The following PIK3CB variants were observed in gnomAD, a reference collection of about 807,000 sequenced individuals.
The protein encoded by PIK3CB is phosphatidylinositol-4,5-bisphosphate 3-kinase catalytic subunit beta.
PIK3CB carries 39 observed loss-of-function variants against 136.8 expected under a neutral mutation model. The ratio of observed to expected loss-of-function variants is 0.29; its 90% CI spans 0.22 to 0.37. The LOEUF (loss-of-function observed/expected upper bound fraction) is 0.37, where lower values mean the gene tolerates loss of function less well. PIK3CB is among the 10% of genes least tolerant of loss of function. PIK3CB has a pLI of 1.00. For synonymous variants in PIK3CB, 428 were observed against 436.6 expected, an observed-to-expected ratio of 0.98 and a Z score of 0.25; for missense variants, 868 against 1,275.4, an observed-to-expected ratio of 0.68 and a Z score of 4.87.
At chr3:138,817,287 C>T (rs1315048771) in intron 1 of PIK3CB, among the ~76,000 whole-genome samples, 3 of 151,818 alleles carry the variant, frequency 2.0e-5, no homozygotes, top group South Asian at 2.1e-4. Flanking sequence ...TGCAGTGAGC[C>T]GAGATCGTGC....
chr3:138,790,446 T>G (rs1293899240), intron 2 of PIK3CB, among the ~76,000 whole-genome samples: 5 of 148,086 alleles, frequency 3.4e-5, no homozygotes, highest in Non-Finnish European at 7.4e-5. Context: ...AACCCTGTCC[T>G]CATTAAAAAA....
rs936630323 is a variant in PIK3CB at position 138,694,771 on chromosome 3, A to C, written c.1892+15T>G. 2 of 1,610,154 alleles carry C rather than the reference A, an allele frequency of 1.2e-6. No individual in the cohort carries two copies. The highest frequency in any genetic ancestry group is 1.3e-5 in the African/African-American group (1 of 74,698). On this transcript the variant is annotated intron_variant, in intron 14 of 23. Coordinates refer to ENST00000674063, the MANE Select transcript of PIK3CB (RefSeq NM_006219.3). ...GTTATTCCTTGCCCCAAAGAAAACCACCTGCAGAAGATACCTCATCTGTCG... is the reference window on the plus strand; with the variant it reads ...GTTATTCCTTGCCCCAAAGAAAACCCCCTGCAGAAGATACCTCATCTGTCG...
At chr3:138,686,138 C>A (rs2043888358) in intron 16 of PIK3CB, among the ~76,000 whole-genome samples, 2 of 151,280 alleles carry the variant, frequency 1.3e-5, no homozygotes, top group African/African-American at 4.9e-5. Context: ...GACTATGTCT[C>A]AAAAAATAAA....
At chr3:138,706,776 C>T (rs1412757219) in intron 11 of PIK3CB, among the ~76,000 whole-genome samples, 2 of 152,172 alleles carry the variant, frequency 1.3e-5, no homozygotes, top group African/African-American at 4.8e-5. Flanking sequence ...TCCTGCTCAG[C>T]CTCCCGAGTA....
intron 19 of PIK3CB, among the ~76,000 whole-genome samples, chr3:138,675,635 CAGA>C (rs1484726802): frequency 1.3e-5 from 2 of 151,924 alleles, no homozygotes; most frequent in Non-Finnish European, 2.9e-5. Context: ...CCAGGGAAGC[CAGA>C]AGAAAGTGGG....
intron 13 of PIK3CB, among the ~76,000 whole-genome samples, chr3:138,696,268 G>C (rs1577085529): frequency 6.7e-6 from 1 of 149,056 alleles, no homozygotes; most frequent in Non-Finnish European, 1.5e-5. Flanking sequence ...CTGCAGCCTT[G>C]AACTCCTGGG....
At chr3:138,731,544 C>T (rs146744985) in intron 8 of PIK3CB, among the ~76,000 whole-genome samples, 109 of 151,814 alleles carry the variant, frequency 7.2e-4, no homozygotes, top group African/African-American at 2.3e-3. Flanking sequence ...TGAGCTACCA[C>T]GCCCAGCCTG....
chr3:138,823,007 G>A (rs894799810), intron 1 of PIK3CB, among the ~76,000 whole-genome samples: 3 of 147,372 alleles, frequency 2.0e-5, no homozygotes, highest in African/African-American at 2.5e-5. Flanking sequence ...TGCAGCCTCC[G>A]CCTCCTGGGT....
rs934724666 is a variant in PIK3CB at position 138,823,500 on chromosome 3, C to G, written c.-122+11195G>C. Among the ~76,000 whole-genome samples, 2 of 151,290 alleles carry G rather than the reference C, an allele frequency of 1.3e-5. 1 individual carries two copies. The highest frequency in any genetic ancestry group is 4.2e-4 in the South Asian group (2 of 4,778). Reference sequence around the variant, plus strand: ...TGGGCAGATCACGAGGTCAGGAGATCGAGACCATCCTGGGCAACATGGTGA... The same window carrying G: ...TGGGCAGATCACGAGGTCAGGAGATGGAGACCATCCTGGGCAACATGGTGA... On this transcript the variant is annotated intron_variant, in intron 1 of 23. Transcript: ENST00000674063.
chr3:138,739,168 G>A (rs889765215), intron 5 of PIK3CB, among the ~76,000 whole-genome samples: 4 of 152,100 alleles, frequency 2.6e-5, no homozygotes, highest in East Asian at 1.9e-4. Context: ...CCCAGAGGCC[G>A]TGCACGCTGG....
intron 2 of PIK3CB, among the ~76,000 whole-genome samples, chr3:138,796,006 A>G (rs2046104534): frequency 1.3e-5 from 2 of 152,130 alleles, no homozygotes; most frequent in Admixed American, 1.3e-4. Context: ...TAGGAAACAT[A>G]ATCCTCAATA....
chr3:138,825,380 T>G (rs1933737318), intron 1 of PIK3CB: 1 of 609,614 alleles, frequency 1.6e-6, no homozygotes, highest in Non-Finnish European at 3.0e-6. Flanking sequence ...TGCTGAAGTG[T>G]GAAGCAACTA....
In PIK3CB at chr3:138,750,900, T is replaced by C. The variant is rs74629804; in HGVS notation, c.397+4854A>G. ...CCTCACTTCCCACTGGATTGTGAGG[T>C]CTAAGCAGAGACCATATCACCCACG... is the stretch of plus-strand genomic sequence containing the variant. On this transcript the variant is annotated intron_variant, in intron 4 of 23. Coordinates refer to ENST00000674063, the MANE Select transcript of PIK3CB (RefSeq NM_006219.3). Among the ~76,000 whole-genome samples the C allele has an allele frequency of 3.8e-3, 579 of 152,266 alleles. 5 individuals carry two copies. Among genetic ancestry groups the C allele is most frequent in the African/African-American group, 0.013 (556 of 41,556 alleles).
chr3:138,783,405 T>C (rs404110), intron 2 of PIK3CB, among the ~76,000 whole-genome samples: 90,401 of 151,732 alleles, frequency 0.6, 27,755 homozygotes, highest in East Asian at 0.98. Context: ...TCTCAGCCTC[T>C]CAAGTAGCTG....
At chr3:138,663,819 G>A in intron 21 of PIK3CB, 87 bp downstream of exon 21, 4 of 1,344,590 alleles carry the variant, frequency 3.0e-6, no homozygotes, top group Non-Finnish European at 4.1e-6. Context: ...AATCACAAAA[G>A]AATCTGGCTG....
intron 4 of PIK3CB, among the ~76,000 whole-genome samples, chr3:138,746,826 C>T (rs1220370054): frequency 6.6e-6 from 1 of 150,878 alleles, no homozygotes; most frequent in Non-Finnish European, 1.5e-5. Flanking sequence ...TATTGGTATG[C>T]CTTTCTTATA....
chr3:138,759,697 A>G (rs2045635089), intron 2 of PIK3CB, among the ~76,000 whole-genome samples: 1 of 152,126 alleles, frequency 6.6e-6, no homozygotes, highest in Non-Finnish European at 1.5e-5. Context: ...TTCAAATTCA[A>G]CATAGATATT....
chr3:138,795,149 G>A lies in PIK3CB; in HGVS notation c.-17+1314C>T, dbSNP rs189328493. On this transcript the variant is annotated intron_variant, in intron 2 of 23. Transcript: ENST00000674063. ...AGCCTGGCTAACATGGTAAAACCCC[G>A]TCTCTACTAAAAATACAAAAATTAG... 5.4e-3 allele frequency among the ~76,000 whole-genome samples: 803 copies of A among 148,652 alleles called. 8 individuals carry two copies. Among genetic ancestry groups the A allele is most frequent in the African/African-American group, 0.018 (730 of 40,308 alleles).
chr3:138,811,037 G>A (rs986867309), intron 1 of PIK3CB, among the ~76,000 whole-genome samples: 1 of 151,514 alleles, frequency 6.6e-6, no homozygotes, highest in African/African-American at 2.4e-5. Flanking sequence ...CACCAGCCTG[G>A]TCAACGTAGC....
Sources: gnomAD v4.1 joint callset for allele counts (sites outside exome capture counted in the v4.1 genomes callset) on GRCh38, gnomAD v4.1.1 for gene constraint, MANE v1.5 for transcripts, NCBI Gene and HGNC (gene_info 2026-07-23, HGNC 2026-07-21) for gene names.